TMTC3: variants seen among roughly 807,000 people sequenced by gnomAD.
The protein encoded by TMTC3 is protein O-mannosyl-transferase TMTC3.
A neutral mutation model predicts 92.2 loss-of-function variants in TMTC3; 52 were observed. The ratio of observed to expected loss-of-function variants is 0.56; its 90% CI spans 0.45 to 0.71. The LOEUF is 0.71. Ranked by LOEUF, TMTC3 falls within the 30% of genes least tolerant of loss-of-function variation. The probability of loss-of-function intolerance (pLI) is 0.00; values close to 1 mark genes in which losing one functional copy is unlikely to be tolerated. For missense variants in TMTC3, 896 were observed against 1,057.1 expected (o/e 0.85, Z 2.11); for synonymous variants, 339 against 363.3 (o/e 0.93, Z 0.76).
In TMTC3 at chr12:88,195,883, G is replaced by A; in HGVS notation, c.*234G>A. 3.1e-6 allele frequency: 1 copy of A among 322,168 alleles called. No individual in the cohort carries two copies. 20.0% of individuals were successfully genotyped at this position (322,168 alleles called of 1,614,324 possible). Reference sequence around the variant, plus strand: ...ATAGCAGAAATATTACAGCGGAAGTGACAAATTTACAACTTTTATTATAGA... The same window carrying A: ...ATAGCAGAAATATTACAGCGGAAGTAACAAATTTACAACTTTTATTATAGA... On this transcript the variant is annotated 3_prime_UTR_variant, in exon 14 of 14. Transcript: ENST00000266712.
chr12:88,170,988 G>A (rs977218354), intron 7 of TMTC3, among the ~76,000 whole-genome samples: 1 of 152,098 alleles, frequency 6.6e-6, no homozygotes, highest in Non-Finnish European at 1.5e-5. Context: ...ATGAAAGACT[G>A]TTGATTTAAA....
intron 10 of TMTC3, among the ~76,000 whole-genome samples, chr12:88,182,033 A>G (rs1462303399): frequency 2.0e-5 from 3 of 152,228 alleles, no homozygotes; most frequent in Admixed American, 6.5e-5. Flanking sequence ...GATAGGGGCA[A>G]TATTGCTTCG....
chr12:88,179,710 G>C (rs879510575), intron 10 of TMTC3, among the ~76,000 whole-genome samples: 1 of 151,972 alleles, frequency 6.6e-6, no homozygotes, highest in Non-Finnish European at 1.5e-5. Context: ...CACCAAGAGA[G>C]TGCAGCCCCC....
rs150106796 is a variant in TMTC3 at position 88,170,328 on chromosome 12, A to G, written c.1051-2269A>G. Among the ~76,000 whole-genome samples, 267 of 152,314 alleles carry G rather than the reference A, an allele frequency of 1.8e-3. 2 individuals carry two copies. Among genetic ancestry groups the G allele is most frequent in the African/African-American group, 6.1e-3 (254 of 41,578 alleles). On this transcript the variant is annotated intron_variant, in intron 7 of 13. Coordinates refer to ENST00000266712, the MANE Select transcript of TMTC3 (RefSeq NM_181783.4). The stretch of plus-strand genomic sequence containing the variant: ...TGAAATTGCCTTGGGGCGGCCATGA[A>G]TTAATAGGTATAATTTTTTTTTCAA...
chr12:88,153,237 G>A (rs940097449), intron 2 of TMTC3, 54 bp from the exon 3 acceptor site: 1 of 1,225,112 alleles, frequency 8.2e-7, no homozygotes, highest in African/African-American at 1.5e-5. Flanking sequence ...ATGAGCTTTT[G>A]TACCCTGTTG....
At chr12:88,160,288 C>G (rs1180342195) in intron 5 of TMTC3, 59 bp downstream of exon 5, 21 of 963,730 alleles carry the variant, frequency 2.2e-5, no homozygotes, top group Non-Finnish European at 2.9e-5. Flanking sequence ...CTAGTTGAAT[C>G]AAATTTTATT....
intron 11 of TMTC3, among the ~76,000 whole-genome samples, chr12:88,189,210 C>T (rs1213845073): frequency 1.3e-5 from 2 of 151,628 alleles, no homozygotes; most frequent in African/African-American, 4.8e-5. Flanking sequence ...TCTTCTGCCT[C>T]AGCCTCCCAA....
chr12:88,198,698 A>C lies in TMTC3; in HGVS notation c.*3049A>C, dbSNP rs562852712. On this transcript the variant is annotated 3_prime_UTR_variant, in exon 14 of 14. Coordinates refer to ENST00000266712, the MANE Select transcript of TMTC3 (RefSeq NM_181783.4). ...TCATTACATCTAATTTGAACTCTCA[A>C]CTTCATGTTACAGAATGCTTTAAAG... 17 of 310,402 alleles carry C rather than the reference A, an allele frequency of 5.5e-5. No individual in the cohort carries two copies. The highest frequency in any genetic ancestry group is 3.4e-4 in the African/African-American group (16 of 46,812). The allele number at this position is 310,402 out of a possible 1,614,324, so 19.2% of individuals were successfully genotyped here.
chr12:88,187,691 A>T (rs1173203010), intron 10 of TMTC3, among the ~76,000 whole-genome samples: 2 of 152,194 alleles, frequency 1.3e-5, no homozygotes, highest in Non-Finnish European at 2.9e-5. Context: ...AGTTCTTAGG[A>T]CTGTTACTCA....
rs958168225 is a variant in TMTC3, at chr12:88,173,208, A to G, written c.1199+463A>G. 4 of 649,852 alleles carry G rather than the reference A, an allele frequency of 6.2e-6. No individual in the cohort carries two copies. The African/African-American group carries it at 7.7e-5, about 12-fold the overall frequency. 40.3% of individuals were successfully genotyped at this position (649,852 alleles called of 1,614,324 possible). On this transcript the variant is annotated intron_variant, in intron 8 of 13. Coordinates refer to ENST00000266712, the MANE Select transcript of TMTC3 (RefSeq NM_181783.4). Reference sequence around the variant, plus strand: ...CCTAGTTGCCTCAAACTAACAGTTAAGGAACAGCATAGTCACACTGTATAT... The same window carrying G: ...CCTAGTTGCCTCAAACTAACAGTTAGGGAACAGCATAGTCACACTGTATAT...
In TMTC3 at chr12:88,174,602, A is replaced by T. The variant is rs2041240157; in HGVS notation, c.1200-5A>T. 2 of 1,603,110 alleles carry T rather than the reference A, an allele frequency of 1.2e-6. No homozygotes were observed. The highest frequency in any genetic ancestry group is 1.7e-6 in the Non-Finnish European group (2 of 1,176,656). On this transcript the variant is annotated splice_polypyrimidine_tract_variant and splice_region_variant and intron_variant, in intron 8 of 13. Transcript: ENST00000266712. ...TTTTTGTTTTGCTTTTTTTCTCTTA[A>T]ACAGTGTATTTAAAAAGCTATCCTG...
At chr12:88,148,635 T>G in intron 2 of TMTC3, 131 bp downstream of exon 2, 1 of 661,750 alleles carries the variant, frequency 1.5e-6, no homozygotes, top group African/African-American at 1.8e-5. Flanking sequence ...AATGTTTATA[T>G]GAAACGTAAC....
At position 88,174,641 on chromosome 12, in the gene TMTC3, A is replaced by C. The variant is rs546211027; in HGVS notation, c.1234A>C (p.Met412Leu). The C allele has an allele frequency of 1.2e-6, 2 of 1,612,244 alleles. No homozygotes were observed. The highest frequency in any genetic ancestry group is 2.2e-5 in the South Asian group (2 of 90,996). Residue 412 changes from methionine to leucine, a missense_variant, in exon 9 of 14, where the codon ATG becomes CTG. Met to Leu is a conservative substitution (Grantham distance 15). Coordinates refer to ENST00000266712, the MANE Select transcript of TMTC3 (RefSeq NM_181783.4). The stretch of plus-strand genomic sequence containing the variant: ...AAAGCTATCCTGGATTTGTCTGTCT[A>C]TGGTGATACTCACTCATTCCTTAAA... ...FKKLSWICLS[M>L]VILTHSLKTF...
rs376690385 is a variant in TMTC3, at chr12:88,173,606, A to C, written c.1199+861A>C. Among the ~76,000 whole-genome samples, 12 of 152,146 alleles carry C rather than the reference A, an allele frequency of 7.9e-5. No homozygotes were observed. The East Asian group carries it at 2.1e-3, about 27-fold the overall frequency. On this transcript the variant is annotated intron_variant, in intron 8 of 13. Transcript: ENST00000266712. ...TTACATTTTTCAAAGTCTTATGGCC[A>C]CTTTTTTCACACCGCATGTGTTCCA...
In TMTC3 at chr12:88,160,848, C is replaced by A. The variant is rs756859773; in HGVS notation, c.794C>A (p.Thr265Asn). Residue 265 changes from threonine to asparagine, a missense_variant, in exon 6 of 14, where the codon ACC becomes AAC. Physicochemically the swap from Thr to Asn is moderately conservative, Grantham distance 65. Coordinates refer to ENST00000266712, the MANE Select transcript of TMTC3 (RefSeq NM_181783.4). ...ATTCAATCCCAACTTCCAGTATTCA[C>A]CAGGTATGAAATTCTGGTTCTTTGT... ...QVIQSQLPVF[T>N]RFDNPAAVSP... 28 of 1,587,566 alleles carry A rather than the reference C, an allele frequency of 1.8e-5. No homozygotes were observed. Among genetic ancestry groups the A allele is most frequent in the Non-Finnish European group, 1.7e-6 (2 of 1,167,742 alleles).
In TMTC3 at chr12:88,174,686, G is replaced by C. The variant is rs146554803; in HGVS notation, c.1279G>C (p.Asp427His). The C allele has an allele frequency of 6.2e-7, 1 of 1,612,556 alleles. No individual in the cohort carries two copies. ...CTTAAAAACATTCCACAGAAATTGG[G>C]ATTGGGAGTCTGAATATACATTGTT... Reference protein sequence around the residue: ...HSLKTFHRNWDWESEYTLFMS... With the variant: ...HSLKTFHRNWHWESEYTLFMS... Residue 427 changes from aspartate to histidine, a missense_variant, in exon 9 of 14, where the codon GAT (aspartate) becomes CAT (histidine). Asp to His is a moderately conservative substitution (Grantham distance 81). Coordinates refer to ENST00000266712, the MANE Select transcript of TMTC3 (RefSeq NM_181783.4).
At position 88,186,461 on chromosome 12, in the gene TMTC3, CTG is replaced by C. The variant is rs574276171; in HGVS notation, c.1433-2381_1433-2380del. Among the ~76,000 whole-genome samples the C allele has an allele frequency of 2.6e-5, 4 of 152,098 alleles. No individual in the cohort carries two copies. In the South Asian group the frequency reaches 8.3e-4, roughly 32 times the overall value. ...TCAACTAGGATTCTGGAAAAATTAA[CTG>C]ATTATAGAAACCTAGTATTGACAAA... On this transcript the variant is annotated intron_variant, in intron 10 of 13. Transcript: ENST00000266712.
intron 10 of TMTC3, among the ~76,000 whole-genome samples, chr12:88,177,145 G>A (rs1230626689): frequency 2.6e-5 from 4 of 152,028 alleles, no homozygotes; most frequent in African/African-American, 9.7e-5. Flanking sequence ...GGGCAACATG[G>A]TGAAACCCCA....
intron 10 of TMTC3, among the ~76,000 whole-genome samples, chr12:88,179,930 C>T (rs2041298645): frequency 6.6e-6 from 1 of 152,216 alleles, no homozygotes; most frequent in South Asian, 2.1e-4. Flanking sequence ...CCTTTGCTCT[C>T]AGGCTCTGGA....
Sources: gnomAD v4.1 joint callset for allele counts (sites outside exome capture counted in the v4.1 genomes callset) on GRCh38, gnomAD v4.1.1 for gene constraint, MANE v1.5 for transcripts, NCBI Gene and HGNC (gene_info 2026-07-23, HGNC 2026-07-21) for gene names.